CLSTN2: variants seen among roughly 807,000 people sequenced by gnomAD.
CLSTN2 encodes the protein calsyntenin 2, also known as calsyntenin-2.
A neutral mutation model predicts 101.2 loss-of-function variants in CLSTN2; 48 were observed. That is an observed-to-expected ratio of 0.47 (90% CI 0.38 to 0.60). The LOEUF (loss-of-function observed/expected upper bound fraction) is 0.60, where lower values mean the gene tolerates loss of function less well. Ranked by LOEUF, CLSTN2 falls within the 20% of genes least tolerant of loss-of-function variation. CLSTN2 has a pLI of 0.00. For missense variants in CLSTN2, 1,160 were observed against 1,238.2 expected (o/e 0.94, Z 0.95); for synonymous variants, 481 against 463.6 (o/e 1.04, Z -0.48).
At chr3:140,281,759 AGAGC>A (rs1404861595) in intron 2 of CLSTN2, among the ~76,000 whole-genome samples, 5 of 23,024 alleles carry the variant, frequency 2.2e-4, no homozygotes, top group East Asian at 2.5e-3. Flanking sequence ...TGTCAGAGAG[AGAGC>A]GAGAGAGAGA....
intron 1 of CLSTN2, among the ~76,000 whole-genome samples, chr3:140,156,856 T>A (rs1033465074): frequency 7.2e-5 from 11 of 152,170 alleles, no homozygotes; most frequent in Non-Finnish European, 1.6e-4. Flanking sequence ...CTCCTTACTT[T>A]CCCTCACAAA....
chr3:140,466,836 TTGC>T, intron 8 of CLSTN2, 105 bp downstream of exon 8: 2 of 1,469,180 alleles, frequency 1.4e-6, no homozygotes, highest in African/African-American at 1.4e-5. Flanking sequence ...TCCTGACCAC[TTGC>T]TGAATTTTGG....
intron 1 of CLSTN2, among the ~76,000 whole-genome samples, chr3:140,051,859 G>A (rs1391385630): frequency 2.0e-5 from 3 of 152,212 alleles, no homozygotes; most frequent in Non-Finnish European, 2.9e-5. Context: ...ACCTGGAGGG[G>A]CTGGCAAAAC....
chr3:140,185,692 A>G (rs1309665556), intron 2 of CLSTN2, among the ~76,000 whole-genome samples: 1 of 151,124 alleles, frequency 6.6e-6, no homozygotes, highest in African/African-American at 2.4e-5. Flanking sequence ...GCAGATGGAG[A>G]TGGTGGGGGG....
At chr3:140,148,293 T>C (rs2009812155) in intron 1 of CLSTN2, among the ~76,000 whole-genome samples, 1 of 152,214 alleles carries the variant, frequency 6.6e-6, no homozygotes. Context: ...AACTCTCAGC[T>C]GGAGAGATGG....
chr3:140,238,836 T>C (rs1354496995), intron 2 of CLSTN2, among the ~76,000 whole-genome samples: 1 of 152,170 alleles, frequency 6.6e-6, no homozygotes, highest in East Asian at 1.9e-4. Flanking sequence ...AGCCTTGGAT[T>C]TGGCTACAAA....
chr3:140,404,264 G>C (rs1252004038), intron 3 of CLSTN2, among the ~76,000 whole-genome samples: 1 of 152,238 alleles, frequency 6.6e-6, no homozygotes, highest in Non-Finnish European at 1.5e-5. Flanking sequence ...TTACTGAATG[G>C]AGGAGTGGAT....
chr3:140,286,492 C>A (rs757334680), intron 2 of CLSTN2, among the ~76,000 whole-genome samples: 3 of 152,140 alleles, frequency 2.0e-5, no homozygotes, highest in Non-Finnish European at 2.9e-5. Flanking sequence ...TTGATGATGC[C>A]CATTTTCAAC....
At chr3:140,302,333 A>G (rs946382090) in intron 2 of CLSTN2, among the ~76,000 whole-genome samples, 5 of 152,214 alleles carry the variant, frequency 3.3e-5, no homozygotes, top group African/African-American at 9.6e-5. Context: ...ATATTTATGA[A>G]CTACATAGTT....
At chr3:140,286,730 G>C (rs1046753979) in intron 2 of CLSTN2, among the ~76,000 whole-genome samples, 1 of 152,174 alleles carries the variant, frequency 6.6e-6, no homozygotes, top group African/African-American at 2.4e-5. Flanking sequence ...GGAGGAGCCT[G>C]CTCCACTTCA....
intron 8 of CLSTN2, among the ~76,000 whole-genome samples, chr3:140,499,907 T>C (rs1168296059): frequency 6.6e-6 from 1 of 151,566 alleles, no homozygotes; most frequent in Non-Finnish European, 1.5e-5. Flanking sequence ...TACTAAAAAA[T>C]ACAAAAAAAA....
chr3:140,209,160 A>G (rs2010822551), intron 2 of CLSTN2, among the ~76,000 whole-genome samples: 1 of 152,194 alleles, frequency 6.6e-6, no homozygotes, highest in Non-Finnish European at 1.5e-5. Flanking sequence ...ATCAAAATCT[A>G]TGATGTATGC....
intron 2 of CLSTN2, among the ~76,000 whole-genome samples, chr3:140,323,110 A>C (rs1357346475): frequency 3.3e-5 from 5 of 152,212 alleles, no homozygotes; most frequent in Admixed American, 3.3e-4. Context: ...TGGGGACTAA[A>C]GAAAGAAAGC....
chr3:139,969,959 G>C (rs577464745), intron 1 of CLSTN2, among the ~76,000 whole-genome samples: 2 of 152,288 alleles, frequency 1.3e-5, no homozygotes, highest in South Asian at 4.1e-4. Context: ...TGACATAAAA[G>C]GAGAGGGCAC....
At chr3:140,020,557 T>G (rs1356358876) in intron 1 of CLSTN2, among the ~76,000 whole-genome samples, 1 of 152,182 alleles carries the variant, frequency 6.6e-6, no homozygotes, top group Non-Finnish European at 1.5e-5. Flanking sequence ...AAGCTCAGTG[T>G]GCTGCTAAGG....
At chr3:140,235,075 A>C (rs1316499265) in intron 2 of CLSTN2, among the ~76,000 whole-genome samples, 1 of 152,204 alleles carries the variant, frequency 6.6e-6, no homozygotes, top group African/African-American at 2.4e-5. Flanking sequence ...TATGTCCTCA[A>C]CTACAAAATA....
At position 140,480,629 on chromosome 3, in the gene CLSTN2, A is replaced by G. The variant is rs1934093775; in HGVS notation, c.1344+13898A>G. On this transcript the variant is annotated intron_variant, in intron 8 of 16. Coordinates refer to ENST00000458420, the MANE Select transcript of CLSTN2 (RefSeq NM_022131.3). ...CCTGTTGTTTCCTGACTTTTTAATG[A>G]TCACCATTCTCACTGGTGTGAGATG... is the stretch of plus-strand genomic sequence containing the variant. Among the ~76,000 whole-genome samples the G allele has an allele frequency of 2.0e-5, 3 of 152,150 alleles. No homozygotes were observed. The South Asian group carries it at 6.2e-4, about 32-fold the overall frequency.
At chr3:139,969,051 A>G (rs950478294) in intron 1 of CLSTN2, among the ~76,000 whole-genome samples, 2 of 82,372 alleles carry the variant, frequency 2.4e-5, no homozygotes, top group Non-Finnish European at 5.6e-5. Context: ...TGGTATGTAT[A>G]TGCTTTTTTA....
At chr3:140,430,831 A>G (rs1576563646) in intron 5 of CLSTN2, among the ~76,000 whole-genome samples, 1 of 152,226 alleles carries the variant, frequency 6.6e-6, no homozygotes, top group Non-Finnish European at 1.5e-5. Flanking sequence ...ATAGATAAGG[A>G]AAACTTAGAG....
Sources: allele counts gnomAD v4.1 joint callset (sites outside exome capture counted in the v4.1 genomes callset), GRCh38; gene constraint gnomAD v4.1.1; transcripts MANE v1.5; gene names NCBI Gene and HGNC (gene_info 2026-07-23, HGNC 2026-07-21).